GK5: variants seen among roughly 807,000 people sequenced by gnomAD.
GK5 encodes glycerol kinase 5, also known as ATP:glycerol 3-phosphotransferase 5.
GK5 carries 39 observed loss-of-function variants against 77.3 expected under a neutral mutation model. The ratio of observed to expected loss-of-function variants is 0.50; its 90% CI spans 0.39 to 0.66. The LOEUF is 0.66. Among genes scored for constraint, GK5 ranks in the 30% least tolerant of loss-of-function variants. The pLI, the probability that GK5 is intolerant of heterozygous loss-of-function variation, is 0.00. For missense variants in GK5, 487 were observed against 633.8 expected (o/e 0.77, Z 2.49); for synonymous variants, 211 against 208.0 (o/e 1.01, Z -0.13).
intron 12 of GK5, among the ~76,000 whole-genome samples, chr3:142,176,716 G>A (rs1213800555): frequency 1.0e-5 from 1 of 96,610 alleles, no homozygotes; most frequent in Non-Finnish European, 1.8e-5. Context: ...CCAGGCTGGA[G>A]TGCAGTGGCA....
chr3:142,204,620 G>A, intron 4 of GK5, 75 bp downstream of exon 4: 1 of 859,990 alleles, frequency 1.2e-6, no homozygotes, highest in Non-Finnish European at 2.0e-6. Flanking sequence ...AAAATAGGTA[G>A]GAAATAATAC....
rs34245069 is a variant in GK5 at position 142,183,454 on chromosome 3, G to A, written c.817-405C>T. 8.2e-3 allele frequency: 1,270 copies of A among 155,744 alleles called. 11 individuals are homozygous for A. Among genetic ancestry groups the A allele is most frequent in the Middle Eastern group, 0.029 (9 of 306 alleles). The allele number at this position is 155,744 out of a possible 1,614,324, so 9.6% of individuals were successfully genotyped here. On this transcript the variant is annotated intron_variant, in intron 9 of 15. Transcript: ENST00000392993. ...GACTACAAGGCAGCTAGGACTACAGGCGCACACCACCACATCCAGCTAATT... is the reference window on the plus strand; with the variant it reads ...GACTACAAGGCAGCTAGGACTACAGACGCACACCACCACATCCAGCTAATT...
intron 15 of GK5, 143 bp downstream of exon 15, chr3:142,170,182 T>G: frequency 1.2e-6 from 1 of 845,094 alleles, no homozygotes; most frequent in Non-Finnish European, 2.1e-6. Context: ...GGATATTTTG[T>G]GAGTAATATG....
rs576240107 is a variant in GK5 at position 142,161,788 on chromosome 3, A to T, written c.*3834T>A. On this transcript the variant is annotated 3_prime_UTR_variant, in exon 16 of 16. Coordinates refer to ENST00000392993, the MANE Select transcript of GK5 (RefSeq NM_001039547.3). Reference sequence around the variant, plus strand: ...CATCAGAAGACAATTACAGCATGAGATATTGATTGATTGATTGATTGATTG... The same window carrying T: ...CATCAGAAGACAATTACAGCATGAGTTATTGATTGATTGATTGATTGATTG... 4.6e-5 allele frequency: 7 copies of T among 151,152 alleles called. No individual in the cohort carries two copies. The South Asian group carries it at 1.5e-3, about 32-fold the overall frequency. 9.4% of individuals were successfully genotyped at this position (151,152 alleles called of 1,614,324 possible).
chr3:142,206,269 T>C (rs1577141865), intron 3 of GK5, among the ~76,000 whole-genome samples: 1 of 152,202 alleles, frequency 6.6e-6, no homozygotes, highest in Non-Finnish European at 1.5e-5. Flanking sequence ...TTTTTTTAGG[T>C]ATATACCTAG....
chr3:142,174,668 GA>G (rs1320039723), intron 12 of GK5, among the ~76,000 whole-genome samples: 1 of 152,128 alleles, frequency 6.6e-6, no homozygotes, highest in African/African-American at 2.4e-5. Context: ...CCCTTCTAAG[GA>G]AACTGCTTGA....
Position 142,164,869 on chromosome 3 carries a change from C to T in GK5, c.*753G>A, listed in dbSNP as rs1161444390. On this transcript the variant is annotated 3_prime_UTR_variant, in exon 16 of 16. Transcript: ENST00000392993. The stretch of plus-strand genomic sequence containing the variant: ...TTCAGCCAGAAGTTTTTGAAAGAAA[C>T]GTTATTTGAGAAGGAAAATAAGTAG... 1.3e-5 allele frequency: 2 copies of T among 152,072 alleles called. No homozygotes were observed. Among genetic ancestry groups the T allele is most frequent in the African/African-American group, 4.8e-5 (2 of 41,398 alleles). The allele number at this position is 152,072 out of a possible 1,614,324, so 9.4% of individuals were successfully genotyped here.
chr3:142,165,928 C>A (rs577491119), intron 15 of GK5, among the ~76,000 whole-genome samples, 158 bp from the exon 16 acceptor site: 84 of 152,308 alleles, frequency 5.5e-4, no homozygotes, highest in Non-Finnish European at 1.2e-4. Context: ...TTAGATCGAT[C>A]ATTCCTGAAA....
chr3:142,183,021 C>T lies in GK5; in HGVS notation c.845G>A (p.Gly282Glu), dbSNP rs777939177. ...LVADQQSAMF[G>E]ECCFQTGDVK... is the part of the protein sequence containing the mutation. ...ATCACCTGTCTGGAAGCAGCACTCT[C>T]CAAACATGGCTGATTGCTGGTCAGC... Residue 282 changes from glycine to glutamate, a missense_variant, in exon 10 of 16, where the codon GGA becomes GAA. By Grantham distance (98) the Gly-to-Glu change is moderately conservative. This residue lies in a region of GK5 where 323 missense variants were observed against 437.4 expected (regional missense o/e 0.74). Transcript: ENST00000392993. 7 of 1,613,988 alleles carry T rather than the reference C, an allele frequency of 4.3e-6. No homozygotes were observed. The South Asian group carries it at 6.6e-5, about 15-fold the overall frequency.
intron 5 of GK5, among the ~76,000 whole-genome samples, chr3:142,190,555 A>G (rs1176064133): frequency 6.6e-6 from 1 of 152,240 alleles, no homozygotes; most frequent in Non-Finnish European, 1.5e-5. Flanking sequence ...CAAATTCAAA[A>G]AGCCCTACAA....
chr3:142,225,144 A>C (rs1469984842), intron 1 of GK5, among the ~76,000 whole-genome samples, 165 bp downstream of exon 1: 1 of 151,920 alleles, frequency 6.6e-6, no homozygotes, highest in East Asian at 1.9e-4. Flanking sequence ...GAACGCGAAG[A>C]CTCAGCCGGT....
Position 142,185,659 on chromosome 3 carries a change from A to C in GK5, c.816+270T>G, listed in dbSNP as rs533026579. On this transcript the variant is annotated intron_variant, in intron 9 of 15. Coordinates refer to ENST00000392993, the MANE Select transcript of GK5 (RefSeq NM_001039547.3). Reference sequence around the variant, plus strand: ...CTCAGAATTAAAAAAAATTTTTTTTAATTTAAGTTTTCTGATAAACAATAT... The same window carrying C: ...CTCAGAATTAAAAAAAATTTTTTTTCATTTAAGTTTTCTGATAAACAATAT... The C allele has an allele frequency of 2.0e-5, 25 of 1,242,554 alleles. No individual in the cohort carries two copies. The African/African-American group carries it at 3.9e-4, about 19-fold the overall frequency. 77.0% of individuals were successfully genotyped at this position (1,242,554 alleles called of 1,614,324 possible). A position where few individuals can be genotyped will look rare whatever the true frequency, so the allele number is the denominator to read the frequency against.
chr3:142,167,999 G>T (rs1338794505), intron 15 of GK5, among the ~76,000 whole-genome samples: 2 of 151,752 alleles, frequency 1.3e-5, no homozygotes, highest in Admixed American at 1.3e-4. Flanking sequence ...GCAACAGAGG[G>T]AGACTCCATC....
chr3:142,218,377 C>CAA (rs35885439), intron 1 of GK5, among the ~76,000 whole-genome samples: 7,591 of 126,034 alleles, frequency 0.06, 456 homozygotes, highest in African/African-American at 0.15. Flanking sequence ...TACTAAAATA[C>CAA]AAAAAAAAAA....
Position 142,185,922 on chromosome 3 carries a change from TA to T in GK5, c.816+6del. On this transcript the variant is annotated splice_donor_region_variant and intron_variant, in intron 9 of 15. Transcript: ENST00000392993. Reference sequence around the variant, plus strand: ...TACAAAGGGAATCCCTCAAGTTTCCTACTTACCAAGGCAACTATTGGTATAG... The same window carrying T: ...TACAAAGGGAATCCCTCAAGTTTCCTCTTACCAAGGCAACTATTGGTATAG... The T allele has an allele frequency of 6.2e-7, 1 of 1,601,014 alleles. No individual in the cohort carries two copies. The highest frequency in any genetic ancestry group is 8.5e-7 in the Non-Finnish European group (1 of 1,173,390).
chr3:142,184,260 CAAAAA>C (rs1161704184), intron 9 of GK5, among the ~76,000 whole-genome samples: 77 of 10,674 alleles, frequency 7.2e-3, no homozygotes, highest in African/African-American at 0.028. Flanking sequence ...GACTCTGTCT[CAAAAA>C]AAAAAAAAAA....
At chr3:142,208,615 T>C (rs1228684913) in intron 3 of GK5, among the ~76,000 whole-genome samples, 6 of 152,212 alleles carry the variant, frequency 3.9e-5, no homozygotes, top group Non-Finnish European at 5.9e-5. Flanking sequence ...AAAGATAAAA[T>C]CTATTGATAT....
intron 5 of GK5, among the ~76,000 whole-genome samples, chr3:142,192,217 T>C (rs569603537): frequency 4.6e-5 from 7 of 152,284 alleles, no homozygotes; most frequent in East Asian, 1.9e-4. Context: ...ACAGCAAATG[T>C]TGGCAAGGAT....
intron 9 of GK5, chr3:142,183,455 C>T (rs1045179602): frequency 8.4e-5 from 13 of 155,480 alleles, no homozygotes; most frequent in Admixed American, 1.9e-4. Flanking sequence ...GGACTACAGG[C>T]GCACACCACC....
Sources: gnomAD v4.1 joint callset for allele counts (sites outside exome capture counted in the v4.1 genomes callset) on GRCh38, gnomAD v4.1.1 for gene constraint, gnomAD v4.1.1 regional missense constraint, MANE v1.5 for transcripts, NCBI Gene and HGNC (gene_info 2026-07-23, HGNC 2026-07-21) for gene names.